FBXL13: variants seen among roughly 807,000 people sequenced by gnomAD.
FBXL13 encodes the protein F-box and leucine rich repeat protein 13, also known as F-box and leucine-rich repeat protein 13.
A neutral mutation model predicts 83.6 loss-of-function variants in FBXL13; 67 were observed. That is an observed-to-expected ratio of 0.80 (90% confidence interval 0.66 to 0.98). FBXL13 has a LOEUF of 0.98. Ranked by LOEUF, FBXL13 falls within the 50% of genes least tolerant of loss-of-function variation. The pLI, the probability that FBXL13 is intolerant of heterozygous loss-of-function variation, is 0.00. For missense variants in FBXL13, 822 were observed against 866.5 expected, an observed-to-expected ratio of 0.95 and a Z score of 0.64; for synonymous variants, 272 against 299.5, an observed-to-expected ratio of 0.91 and a Z score of 0.95.
At chr7:103,017,095 T>G (rs537783785) in intron 6 of FBXL13, among the ~76,000 whole-genome samples, 1 of 152,246 alleles carries the variant, frequency 6.6e-6, no homozygotes, top group African/African-American at 2.4e-5. Context: ...AGACTGACAC[T>G]TCACACGGCT....
At chr7:102,987,555 T>C (rs186633083) in intron 6 of FBXL13, among the ~76,000 whole-genome samples, 223 of 152,326 alleles carry the variant, frequency 1.5e-3, no homozygotes, top group Non-Finnish European at 2.2e-3. Flanking sequence ...ATGCATTTTA[T>C]ACGAATTTGA....
chr7:102,916,819 GATTT>G (rs1477970127), intron 10 of FBXL13, among the ~76,000 whole-genome samples: 1 of 151,340 alleles, frequency 6.6e-6, no homozygotes, highest in Non-Finnish European at 1.5e-5. Flanking sequence ...CTCTCTTTGT[GATTT>G]ATTTATTTAT....
intron 11 of FBXL13, among the ~76,000 whole-genome samples, chr7:102,885,960 A>G (rs1000193675): frequency 3.4e-4 from 52 of 152,294 alleles, no homozygotes; most frequent in African/African-American, 1.2e-3. Flanking sequence ...TGGACTGTCA[A>G]TTCTACTCCA....
At chr7:102,881,507 T>C (rs1029950636) in intron 14 of FBXL13, among the ~76,000 whole-genome samples, 7 of 150,960 alleles carry the variant, frequency 4.6e-5, no homozygotes, top group Non-Finnish European at 7.4e-5. Flanking sequence ...TGAAATTCAG[T>C]TTTATTTCAC....
chr7:102,931,646 G>C (rs1317747997), intron 9 of FBXL13, among the ~76,000 whole-genome samples: 1 of 152,042 alleles, frequency 6.6e-6, no homozygotes, highest in East Asian at 1.9e-4. Flanking sequence ...AGTTCATTTT[G>C]GGTAGTCATT....
intron 19 of FBXL13, among the ~76,000 whole-genome samples, chr7:102,817,114 G>GTAGA (rs1469423549): frequency 1.1e-4 from 17 of 152,110 alleles, no homozygotes; most frequent in African/African-American, 3.9e-4. Flanking sequence ...TTTCCTTTGG[G>GTAGA]TAGATACCCA....
At chr7:102,849,737 GAGGCA>G (rs1257317120) in intron 17 of FBXL13, among the ~76,000 whole-genome samples, 1 of 152,180 alleles carries the variant, frequency 6.6e-6, no homozygotes, top group Non-Finnish European at 1.5e-5. Context: ...TGGGCTGGAG[GAGGCA>G]AGGGGAAAGA....
intron 11 of FBXL13, among the ~76,000 whole-genome samples, chr7:102,886,745 T>A (rs1464185890): frequency 6.6e-6 from 1 of 152,072 alleles, no homozygotes; most frequent in Non-Finnish European, 1.5e-5. Flanking sequence ...TTCAGTAGGT[T>A]CCCCTTCTCA....
At chr7:102,816,585 C>G (rs1212813945) in intron 19 of FBXL13, among the ~76,000 whole-genome samples, 2 of 152,102 alleles carry the variant, frequency 1.3e-5, no homozygotes, top group Non-Finnish European at 2.9e-5. Context: ...TCATAGCATC[C>G]TATGTAGCTG....
chr7:103,019,522 A>C (rs1792853972), intron 6 of FBXL13, among the ~76,000 whole-genome samples: 1 of 152,224 alleles, frequency 6.6e-6, no homozygotes. Context: ...TCAAAAAATC[A>C]ATGAATCCAG....
At chr7:102,896,846 G>T (rs1187265915) in intron 11 of FBXL13, among the ~76,000 whole-genome samples, 3 of 152,108 alleles carry the variant, frequency 2.0e-5, no homozygotes, top group Non-Finnish European at 2.9e-5. Context: ...AGGTACTATT[G>T]GGTGTTAGGA....
chr7:102,914,459 C>G (rs572318975), intron 10 of FBXL13, among the ~76,000 whole-genome samples: 2 of 152,308 alleles, frequency 1.3e-5, no homozygotes, highest in South Asian at 2.1e-4. Context: ...TTGTGATATG[C>G]AACAGCTTAA....
At chr7:103,061,814 G>A (rs982606342) in intron 1 of FBXL13, among the ~76,000 whole-genome samples, 12 of 151,430 alleles carry the variant, frequency 7.9e-5, no homozygotes, top group Non-Finnish European at 1.6e-4. Flanking sequence ...GGCAGGCGCC[G>A]GTAGTCCCAG....
intron 16 of FBXL13, among the ~76,000 whole-genome samples, chr7:102,876,114 T>G (rs1219221146): frequency 6.6e-6 from 1 of 152,074 alleles, no homozygotes; most frequent in African/African-American, 2.4e-5. Flanking sequence ...CTCCAGCAGG[T>G]GTCTAGGACT....
chr7:103,069,781 G>C (rs939978328), intron 1 of FBXL13, among the ~76,000 whole-genome samples: 5 of 152,198 alleles, frequency 3.3e-5, no homozygotes, highest in Non-Finnish European at 7.4e-5. Context: ...ATAAAAATAA[G>C]AAATTACTAG....
At chr7:102,818,977 A>C (rs961647530) in intron 19 of FBXL13, among the ~76,000 whole-genome samples, 2 of 151,456 alleles carry the variant, frequency 1.3e-5, no homozygotes, top group African/African-American at 2.4e-5. Context: ...GACAGGCCCC[A>C]GTGTGTGTTG....
chr7:103,052,280 G>C (rs1334847683), intron 2 of FBXL13, among the ~76,000 whole-genome samples: 1 of 152,004 alleles, frequency 6.6e-6, no homozygotes, highest in African/African-American at 2.4e-5. Context: ...TAAGAGATGA[G>C]GTCTCACTAT....
chr7:103,028,808 A>T, intron 3 of FBXL13, 60 bp from the exon 5 acceptor site: 1 of 1,350,966 alleles, frequency 7.4e-7, no homozygotes. Flanking sequence ...ATATATCATT[A>T]AATAAATTAA....
At chr7:102,971,902 T>A (rs1826724208) in intron 6 of FBXL13, among the ~76,000 whole-genome samples, 1 of 151,922 alleles carries the variant, frequency 6.6e-6, no homozygotes, top group African/African-American at 2.4e-5. Flanking sequence ...GGCATGCACC[T>A]GTAATCCCAG....
Sources: gnomAD v4.1 joint callset for allele counts (sites outside exome capture counted in the v4.1 genomes callset) on GRCh38, gnomAD v4.1.1 for gene constraint, MANE v1.5 for transcripts, NCBI Gene and HGNC (gene_info 2026-07-23, HGNC 2026-07-21) for gene names.